GFRA1: variants seen among roughly 807,000 people sequenced by gnomAD.
The protein encoded by GFRA1 is GDNF family receptor alpha-1.
Under a neutral mutation model 51.6 loss-of-function variants are expected in GFRA1, and 16 were observed. The observed-to-expected ratio is 0.31, with a 90% CI of 0.21 to 0.47. The LOEUF is 0.47. GFRA1 is among the 20% of genes least tolerant of loss of function. The pLI is 1.00. For missense variants in GFRA1, 530 were observed against 594.3 expected (o/e 0.89, Z 1.13); for synonymous variants, 270 against 241.3 (o/e 1.12, Z -1.10).
At chr10:116,248,466 C>T (rs1400406015) in intron 4 of GFRA1, among the ~76,000 whole-genome samples, 3 of 152,186 alleles carry the variant, frequency 2.0e-5, no homozygotes, top group African/African-American at 7.2e-5. Flanking sequence ...GGCCCCACAA[C>T]GAGTCACAAC....
chr10:116,076,428 T>C (rs1047590154), intron 9 of GFRA1, among the ~76,000 whole-genome samples: 2 of 151,592 alleles, frequency 1.3e-5, no homozygotes, highest in African/African-American at 2.4e-5. Context: ...GAGAACTGAA[T>C]GAGAAACAAA....
chr10:116,160,950 C>T (rs1959709957), intron 5 of GFRA1, among the ~76,000 whole-genome samples: 1 of 152,182 alleles, frequency 6.6e-6, no homozygotes, highest in Admixed American at 6.5e-5. Flanking sequence ...AAAGGAAATC[C>T]ATGCAAAAGC....
chr10:116,133,275 G>C (rs1958182148), intron 5 of GFRA1, among the ~76,000 whole-genome samples: 1 of 151,966 alleles, frequency 6.6e-6, no homozygotes, highest in Non-Finnish European at 1.5e-5. Context: ...CAGCCATGTT[G>C]TCACTTTGCA....
chr10:116,097,098 A>C (rs942203994), intron 6 of GFRA1, among the ~76,000 whole-genome samples: 5 of 152,064 alleles, frequency 3.3e-5, no homozygotes, highest in African/African-American at 1.2e-4. Context: ...GACTAGACTT[A>C]TTTGCATCTT....
chr10:116,158,344 G>T (rs533465318), intron 5 of GFRA1, among the ~76,000 whole-genome samples: 4 of 152,326 alleles, frequency 2.6e-5, no homozygotes, highest in African/African-American at 9.6e-5. Flanking sequence ...CTCCATGAGG[G>T]CTGGCACTGT....
intron 4 of GFRA1, among the ~76,000 whole-genome samples, chr10:116,259,247 G>T (rs913171863): frequency 6.6e-6 from 1 of 151,864 alleles, no homozygotes; most frequent in Admixed American, 6.6e-5. Flanking sequence ...GGACCTAGAG[G>T]AAAGTGGCAC....
intron 5 of GFRA1, among the ~76,000 whole-genome samples, chr10:116,180,581 G>A (rs575549008): frequency 1.3e-5 from 2 of 152,240 alleles, no homozygotes; most frequent in South Asian, 2.1e-4. Flanking sequence ...CAGCAACTTC[G>A]TAACTTTTCT....
intron 9 of GFRA1, among the ~76,000 whole-genome samples, chr10:116,067,968 G>A (rs923634566): frequency 2.0e-5 from 3 of 152,184 alleles, no homozygotes; most frequent in African/African-American, 7.2e-5. Context: ...CTGTATAAAG[G>A]AAAAGCTCAG....
At chr10:116,250,143 C>G (rs144879740) in intron 4 of GFRA1, among the ~76,000 whole-genome samples, 1 of 152,242 alleles carries the variant, frequency 6.6e-6, no homozygotes, top group African/African-American at 2.4e-5. Flanking sequence ...TATGACCCAT[C>G]ATGGGAAATG....
chr10:116,242,908 T>C (rs1479085332), intron 4 of GFRA1, among the ~76,000 whole-genome samples: 1 of 152,220 alleles, frequency 6.6e-6, no homozygotes, highest in Non-Finnish European at 1.5e-5. Context: ...TGTTTTGATA[T>C]GCATAAACAT....
chr10:116,133,746 T>C (rs1378561477), intron 5 of GFRA1, among the ~76,000 whole-genome samples: 2 of 152,212 alleles, frequency 1.3e-5, no homozygotes, highest in Non-Finnish European at 2.9e-5. Context: ...GGTCTGCGGC[T>C]CCAAAGGAGT....
chr10:116,126,679 G>T (rs534272926), intron 5 of GFRA1, among the ~76,000 whole-genome samples: 1 of 152,344 alleles, frequency 6.6e-6, no homozygotes, highest in East Asian at 1.9e-4. Context: ...ACAGCTGTGG[G>T]ATGAGACACC....
At chr10:116,168,135 A>G (rs528327475) in intron 5 of GFRA1, among the ~76,000 whole-genome samples, 36 of 117,810 alleles carry the variant, frequency 3.1e-4, no homozygotes, top group African/African-American at 1.1e-3. Context: ...AACCTTCAAA[A>G]ACCAGGGAAT....
intron 4 of GFRA1, among the ~76,000 whole-genome samples, chr10:116,264,358 C>A (rs1328825713): frequency 2.0e-5 from 3 of 152,102 alleles, no homozygotes; most frequent in African/African-American, 7.2e-5. Context: ...CTCTAGGGAC[C>A]CTTCTTCTCT....
In GFRA1 at chr10:116,064,082, C is replaced by G. The variant is rs546037125; in HGVS notation, c.*316G>C. ...TGATCATCATCATGATCATGATGAT[C>G]ATCATCATGATCATCATCATCATCG... On this transcript the variant is annotated 3_prime_UTR_variant, in exon 11 of 11. Transcript: ENST00000355422. The G allele has an allele frequency of 7.1e-3, 1,245 of 175,554 alleles. 9 individuals are homozygous for G. The highest frequency in any genetic ancestry group is 6.3e-3 in the Non-Finnish European group (610 of 97,092). The allele number at this position is 175,554 out of a possible 1,614,324, so 10.9% of individuals were successfully genotyped here. A position where few individuals can be genotyped will look rare whatever the true frequency, so the allele number is the denominator to read the frequency against.
At chr10:116,191,853 C>T (rs906826302) in intron 5 of GFRA1, among the ~76,000 whole-genome samples, 2 of 152,004 alleles carry the variant, frequency 1.3e-5, no homozygotes, top group Non-Finnish European at 2.9e-5. Flanking sequence ...ATGGTGAAAC[C>T]CCATCTCTAC....
intron 3 of GFRA1, among the ~76,000 whole-genome samples, chr10:116,270,415 AG>A (rs1843806355): frequency 6.6e-6 from 1 of 152,210 alleles, no homozygotes; most frequent in Admixed American, 6.5e-5. Flanking sequence ...AAAGGGAACA[AG>A]ACAGGGGGAG....
chr10:116,194,517 T>C (rs1963565716), intron 5 of GFRA1, among the ~76,000 whole-genome samples: 1 of 152,210 alleles, frequency 6.6e-6, no homozygotes, highest in South Asian at 2.1e-4. Flanking sequence ...AAGTACACAA[T>C]AGTTAGCCAG....
At chr10:116,141,587 G>C (rs2134094330) in intron 5 of GFRA1, among the ~76,000 whole-genome samples, 1 of 151,890 alleles carries the variant, frequency 6.6e-6, no homozygotes, top group South Asian at 2.1e-4. Context: ...TTTTTTTTGA[G>C]GGGGTGGTGG....
Sources: gnomAD v4.1 joint callset for allele counts (sites outside exome capture counted in the v4.1 genomes callset) on GRCh38, gnomAD v4.1.1 for gene constraint, MANE v1.5 for transcripts, NCBI Gene and HGNC (gene_info 2026-07-23, HGNC 2026-07-21) for gene names.